The following NOL4 variants were observed in gnomAD, a reference collection of about 807,000 sequenced individuals.
NOL4 encodes the protein nucleolar protein 4, also known as cancer/testis antigen 125.
Under a neutral mutation model 75.9 loss-of-function variants are expected in NOL4, and 17 were observed. That is an observed-to-expected ratio of 0.22 (90% CI 0.15 to 0.34). The LOEUF is 0.34. NOL4 is among the 10% of genes least tolerant of loss of function. The pLI, the probability that NOL4 is intolerant of heterozygous loss-of-function variation, is 1.00. For synonymous variants in NOL4, 292 were observed against 289.9 expected (o/e 1.01, Z -0.07); for missense variants, 614 against 793.5 (o/e 0.77, Z 2.72).
chr18:34,016,340 C>T (rs946618386), intron 6 of NOL4, among the ~76,000 whole-genome samples: 6 of 152,014 alleles, frequency 3.9e-5, no homozygotes, highest in Middle Eastern at 3.2e-3. Flanking sequence ...ATTCATTCAC[C>T]AAAACGTTGC....
chr18:33,869,176 A>T lies in NOL4; in HGVS notation c.1723+14068T>A, dbSNP rs189378255. ...TAATATTACAGCACATAAGATATTT[A>T]TATAGAATACTATAAATATAAGTTC... On this transcript the variant is annotated intron_variant, in intron 10 of 10. Transcript: ENST00000261592. Among the ~76,000 whole-genome samples the T allele has an allele frequency of 1.7e-3, 261 of 152,036 alleles. 2 individuals are homozygous for T. The highest frequency in any genetic ancestry group is 6.0e-3 in the African/African-American group (248 of 41,538).
intron 5 of NOL4, among the ~76,000 whole-genome samples, chr18:34,088,049 A>C (rs1283563926): frequency 1.3e-5 from 2 of 151,884 alleles, no homozygotes; most frequent in Non-Finnish European, 2.9e-5. Flanking sequence ...AAATACATAA[A>C]TATATTGGTA....
At chr18:34,170,751 T>C (rs1392519936) in intron 1 of NOL4, among the ~76,000 whole-genome samples, 2 of 152,156 alleles carry the variant, frequency 1.3e-5, no homozygotes, top group Admixed American at 6.5e-5. Flanking sequence ...ATTCTAATCA[T>C]ACCTAAAAAT....
rs571276719 is a variant in NOL4, at chr18:34,081,368, T to C, written c.772+12097A>G. Among the ~76,000 whole-genome samples the C allele has an allele frequency of 1.4e-4, 22 of 152,262 alleles. No individual in the cohort carries two copies. The East Asian group carries it at 4.2e-3, about 29-fold the overall frequency. ...ACTATAATCTGGATAATTTCCACAT[T>C]ATACACATTTTAATATTCTTTTAAA... On this transcript the variant is annotated intron_variant, in intron 5 of 10. Transcript: ENST00000261592.
At chr18:34,123,120 CTTTT>C (rs368997906) in intron 2 of NOL4, among the ~76,000 whole-genome samples, 1 of 138,692 alleles carries the variant, frequency 7.2e-6, no homozygotes, top group African/African-American at 2.6e-5. Flanking sequence ...GCTCTTACGT[CTTTT>C]TTTTTTTTTT....
chr18:33,997,425 T>G (rs759742955), intron 6 of NOL4, among the ~76,000 whole-genome samples: 3 of 151,790 alleles, frequency 2.0e-5, no homozygotes, highest in Non-Finnish European at 2.9e-5. Flanking sequence ...TTTTGATTGT[T>G]TTATATATCT....
In NOL4 at chr18:34,014,234, GTTACA is replaced by G. The variant is rs373194514; in HGVS notation, c.1056+5079_1056+5083del. Among the ~76,000 whole-genome samples the G allele has an allele frequency of 1.2e-3, 185 of 151,874 alleles. 2 individuals are homozygous for G. In the South Asian group the frequency reaches 0.036, roughly 29 times the overall value. ...AAAAATTAAAGATTAATTGAAAAAA[GTTACA>G]TGAAACACAGTGGACAAAATAAAAT... On this transcript the variant is annotated intron_variant, in intron 6 of 10. Transcript: ENST00000261592.
chr18:33,954,919 T>A (rs1027522894), intron 8 of NOL4, among the ~76,000 whole-genome samples: 1 of 151,972 alleles, frequency 6.6e-6, no homozygotes, highest in Non-Finnish European at 1.5e-5. Context: ...GAGGATACTA[T>A]GGGATGCAAT....
At chr18:33,939,022 A>T (rs1028498921) in intron 9 of NOL4, among the ~76,000 whole-genome samples, 1 of 152,158 alleles carries the variant, frequency 6.6e-6, no homozygotes, top group African/African-American at 2.4e-5. Flanking sequence ...AACACCGTTT[A>T]TTAAATAGGG....
At chr18:33,966,130 G>A (rs1395069871) in intron 6 of NOL4, among the ~76,000 whole-genome samples, 1 of 151,962 alleles carries the variant, frequency 6.6e-6, no homozygotes, top group Non-Finnish European at 1.5e-5. Context: ...CATTGTTTTA[G>A]GTTCACATGA....
Position 34,192,469 on chromosome 18 carries a change from G to A in NOL4, c.264+30521C>T, listed in dbSNP as rs1330567753. Among the ~76,000 whole-genome samples the A allele has an allele frequency of 3.3e-5, 5 of 152,096 alleles. No homozygotes were observed. In the East Asian group the frequency reaches 9.6e-4, roughly 29 times the overall value. On this transcript the variant is annotated intron_variant, in intron 1 of 10. Coordinates refer to ENST00000261592, the MANE Select transcript of NOL4 (RefSeq NM_003787.5). The stretch of plus-strand genomic sequence containing the variant: ...ACCTGACTTCGAAATACACTACAAA[G>A]CTGTAGTAATAAAAACAGTATGGTA...
chr18:34,165,187 A>C (rs1453009458), intron 1 of NOL4, among the ~76,000 whole-genome samples: 2 of 151,998 alleles, frequency 1.3e-5, no homozygotes, highest in Admixed American at 6.6e-5. Context: ...ACATGTATAC[A>C]TATGTAACTA....
intron 1 of NOL4, among the ~76,000 whole-genome samples, chr18:34,199,858 C>G (rs2035606724): frequency 6.6e-6 from 1 of 151,834 alleles, no homozygotes; most frequent in East Asian, 1.9e-4. Context: ...TCACATCAAA[C>G]TCTACAGTTC....
chr18:34,039,625 T>G (rs1440478050), intron 5 of NOL4, among the ~76,000 whole-genome samples: 1 of 152,088 alleles, frequency 6.6e-6, no homozygotes, highest in East Asian at 1.9e-4. Flanking sequence ...CATTCCACTT[T>G]TCTTTAGCCT....
intron 6 of NOL4, among the ~76,000 whole-genome samples, chr18:34,004,624 C>T (rs2073930242): frequency 6.6e-6 from 1 of 151,986 alleles, no homozygotes. Flanking sequence ...CAATAAAGAT[C>T]ATTCTCTCAT....
chr18:34,179,995 A>G (rs2033898828), intron 1 of NOL4, among the ~76,000 whole-genome samples: 1 of 151,630 alleles, frequency 6.6e-6, no homozygotes, highest in Non-Finnish European at 1.5e-5. Flanking sequence ...TTGAAAAAAA[A>G]AATACTTTCT....
rs578077929 is a variant in NOL4 at position 33,976,691 on chromosome 18, T to C, written c.1057-18273A>G. On this transcript the variant is annotated intron_variant, in intron 6 of 10. Transcript: ENST00000261592. ...TTCTGTAAGTCTGATTTTACTATAC[T>C]GTTATCTCATATTTATAGAACTACA... Among the ~76,000 whole-genome samples the C allele has an allele frequency of 6.0e-4, 91 of 152,200 alleles. 6 individuals carry two copies. Among genetic ancestry groups the C allele is most frequent in the Non-Finnish European group, 8.8e-5 (6 of 68,030 alleles).
At chr18:34,144,854 T>C (rs2081334561) in intron 1 of NOL4, among the ~76,000 whole-genome samples, 1 of 152,114 alleles carries the variant, frequency 6.6e-6, no homozygotes, top group Non-Finnish European at 1.5e-5. Flanking sequence ...ATGACTCTTC[T>C]CCTTATAGGA....
chr18:33,972,526 C>T (rs971646146), intron 6 of NOL4, among the ~76,000 whole-genome samples: 1 of 152,026 alleles, frequency 6.6e-6, no homozygotes, highest in South Asian at 2.1e-4. Context: ...ATTGTAAAAT[C>T]GTGCAACTAA....
Sources: gnomAD v4.1 joint callset for allele counts (sites outside exome capture counted in the v4.1 genomes callset) on GRCh38, gnomAD v4.1.1 for gene constraint, MANE v1.5 for transcripts, NCBI Gene and HGNC (gene_info 2026-07-23, HGNC 2026-07-21) for gene names.